DGKB: variants seen among roughly 807,000 people sequenced by gnomAD.
DGKB encodes diacylglycerol kinase beta, also known as 90 kDa diacylglycerol kinase.
Under a neutral mutation model 114.3 loss-of-function variants are expected in DGKB, and 67 were observed. The ratio of observed to expected loss-of-function variants is 0.59; its 90% CI spans 0.48 to 0.72. The LOEUF is 0.72. Ranked by LOEUF, DGKB falls within the 30% of genes least tolerant of loss-of-function variation. The pLI is 0.00. For missense variants in DGKB, 907 were observed against 975.2 expected, an observed-to-expected ratio of 0.93 and a Z score of 0.93; for synonymous variants, 398 against 323.1, an observed-to-expected ratio of 1.23 and a Z score of -2.49.
chr7:14,493,826 C>T (rs999132975), intron 20 of DGKB, among the ~76,000 whole-genome samples: 1 of 151,832 alleles, frequency 6.6e-6, no homozygotes, highest in African/African-American at 2.4e-5. Flanking sequence ...AAGGGGACTA[C>T]TGTAATATTA....
chr7:14,238,883 A>T (rs1028081932), intron 23 of DGKB, among the ~76,000 whole-genome samples: 51 of 151,986 alleles, frequency 3.4e-4, no homozygotes, highest in East Asian at 7.7e-4. Flanking sequence ...TTACATTTTT[A>T]AAAAATAATT....
At chr7:14,627,276 G>C (rs1808760447) in intron 14 of DGKB, among the ~76,000 whole-genome samples, 1 of 151,938 alleles carries the variant, frequency 6.6e-6, no homozygotes, top group South Asian at 2.1e-4. Context: ...GGAGACGGGG[G>C]ACAACAAAAC....
chr7:14,167,549 A>G (rs1360635703), intron 25 of DGKB, among the ~76,000 whole-genome samples: 2 of 152,194 alleles, frequency 1.3e-5, no homozygotes, highest in Non-Finnish European at 2.9e-5. Flanking sequence ...AAGCTATCCT[A>G]TGAAGTTGCA....
chr7:14,713,261 G>C (rs553952633), intron 6 of DGKB, among the ~76,000 whole-genome samples: 54 of 151,856 alleles, frequency 3.6e-4, no homozygotes, highest in African/African-American at 1.3e-3. Flanking sequence ...CTGGTGTTTT[G>C]CACTTGCCAT....
At chr7:14,610,844 T>C (rs997847642) in intron 16 of DGKB, among the ~76,000 whole-genome samples, 3 of 152,136 alleles carry the variant, frequency 2.0e-5, no homozygotes, top group Non-Finnish European at 4.4e-5. Flanking sequence ...TTCAAGTTCT[T>C]TCACCAGCTT....
intron 13 of DGKB, among the ~76,000 whole-genome samples, chr7:14,654,252 C>A (rs139838088): frequency 6.6e-6 from 1 of 151,716 alleles, no homozygotes; most frequent in Admixed American, 6.6e-5. Flanking sequence ...AACAAGCTAG[C>A]TGAAAAGGAA....
At chr7:14,484,492 G>A (rs1289506322) in intron 20 of DGKB, among the ~76,000 whole-genome samples, 1 of 152,120 alleles carries the variant, frequency 6.6e-6, no homozygotes, top group African/African-American at 2.4e-5. Flanking sequence ...TTCCTAAAGT[G>A]TGTGGCATCT....
chr7:14,927,532 A>G (rs1444444031), intron 1 of DGKB, among the ~76,000 whole-genome samples: 1 of 152,020 alleles, frequency 6.6e-6, no homozygotes, highest in Non-Finnish European at 1.5e-5. Flanking sequence ...ACTATACAAA[A>G]AAAAGCAAAC....
At chr7:14,261,427 C>T (rs761411051) in intron 23 of DGKB, among the ~76,000 whole-genome samples, 5 of 152,162 alleles carry the variant, frequency 3.3e-5, no homozygotes, top group South Asian at 2.1e-4. Context: ...CAATATTCTC[C>T]GTCTGTAAAC....
intron 5 of DGKB, 145 bp from the exon 6 acceptor site, chr7:14,718,830 T>C (rs975021302): frequency 1.6e-6 from 1 of 617,198 alleles, no homozygotes; most frequent in Non-Finnish European, 2.8e-6. Context: ...GTAAGATCGG[T>C]ACAGCAGCTA....
At chr7:14,261,845 A>G (rs1324397623) in intron 23 of DGKB, among the ~76,000 whole-genome samples, 27 of 152,270 alleles carry the variant, frequency 1.8e-4, no homozygotes, top group Admixed American at 1.3e-4. Context: ...AAAAGCTTAC[A>G]TTCCATATTT....
intron 23 of DGKB, among the ~76,000 whole-genome samples, chr7:14,332,209 T>C (rs1159850617): frequency 1.3e-5 from 2 of 152,170 alleles, no homozygotes; most frequent in East Asian, 3.9e-4. Context: ...GCTTTTCTCA[T>C]TCTCACAGTC....
At chr7:14,729,165 C>T (rs1263090960) in intron 5 of DGKB, among the ~76,000 whole-genome samples, 1 of 144,474 alleles carries the variant, frequency 6.9e-6, no homozygotes, top group South Asian at 2.2e-4. Context: ...CTCTGTTGCC[C>T]AGGCTGGAGT....
At position 14,443,918 on chromosome 7, in the gene DGKB, C is replaced by T. The variant is rs187449301; in HGVS notation, c.1835+34243G>A. Among the ~76,000 whole-genome samples, 292 of 151,816 alleles carry T rather than the reference C, an allele frequency of 1.9e-3. 4 individuals carry two copies. The highest frequency in any genetic ancestry group is 1.4e-3 in the Non-Finnish European group (97 of 67,840). On this transcript the variant is annotated intron_variant, in intron 21 of 25. Coordinates refer to ENST00000402815, the MANE Select transcript of DGKB (RefSeq NM_001350709.2). ...TTATCATTTACTTCTGGATTCTAATCGCATGCTTCTCTACTTAATATTTAA... is the reference window on the plus strand; with the variant it reads ...TTATCATTTACTTCTGGATTCTAATTGCATGCTTCTCTACTTAATATTTAA...
chr7:14,322,919 G>A (rs1336955875), intron 23 of DGKB, among the ~76,000 whole-genome samples: 1 of 152,156 alleles, frequency 6.6e-6, no homozygotes, highest in Non-Finnish European at 1.5e-5. Flanking sequence ...CAAAGTGTTG[G>A]AGAAGATGTA....
At position 14,839,276 on chromosome 7, in the gene DGKB, C is replaced by G. The variant is rs547996930; in HGVS notation, c.70+1918G>C. On this transcript the variant is annotated intron_variant, in intron 2 of 25. Transcript: ENST00000402815. ...ATTGGATTACCACAGCAGCAAAGAG[C>G]AGAGCATATGGAAATTTGAAATCAT... Among the ~76,000 whole-genome samples, 171 of 152,132 alleles carry G rather than the reference C, an allele frequency of 1.1e-3. 1 individual carries two copies. The highest frequency in any genetic ancestry group is 3.6e-3 in the African/African-American group (149 of 41,488).
intron 23 of DGKB, among the ~76,000 whole-genome samples, chr7:14,306,704 T>G (rs1183892814): frequency 6.6e-6 from 1 of 152,196 alleles, no homozygotes; most frequent in Non-Finnish European, 1.5e-5. Context: ...ACATCAGCTT[T>G]GACAATTGAG....
chr7:14,567,250 A>AT (rs1446180552), intron 20 of DGKB, among the ~76,000 whole-genome samples: 1 of 47,202 alleles, frequency 2.1e-5, no homozygotes, highest in African/African-American at 8.9e-5. Flanking sequence ...TATATATATT[A>AT]TATATTTATA....
chr7:14,957,935 A>C (rs572141316), intron 1 of DGKB, among the ~76,000 whole-genome samples: 1 of 152,210 alleles, frequency 6.6e-6, no homozygotes, highest in African/African-American at 2.4e-5. Flanking sequence ...TTTTAAAAGT[A>C]TTTCTTTAAA....
Sources: gnomAD v4.1 joint callset for allele counts (sites outside exome capture counted in the v4.1 genomes callset) on GRCh38, gnomAD v4.1.1 for gene constraint, MANE v1.5 for transcripts, NCBI Gene and HGNC (gene_info 2026-07-23, HGNC 2026-07-21) for gene names.